The following C6 variants were observed in gnomAD, a reference collection of about 807,000 sequenced individuals.
The protein encoded by C6 is complement component C6.
Under a neutral mutation model 112.9 loss-of-function variants are expected in C6, and 101 were observed. That is an observed-to-expected ratio of 0.89 (90% confidence interval 0.76 to 1.06). The LOEUF (loss-of-function observed/expected upper bound fraction) is 1.06, where lower values mean the gene tolerates loss of function less well. C6 is among the 50% of genes least tolerant of loss of function. C6 has a pLI of 0.00. For missense variants in C6, 1,202 were observed against 1,104.6 expected, an observed-to-expected ratio of 1.09 and a Z score of -1.25; for synonymous variants, 431 against 384.1, an observed-to-expected ratio of 1.12 and a Z score of -1.43.
intron 1 of C6, among the ~76,000 whole-genome samples, chr5:41,255,616 T>C (rs925868354): frequency 1.4e-4 from 21 of 152,224 alleles, no homozygotes; most frequent in African/African-American, 5.1e-4. Flanking sequence ...TCTCTCTGCC[T>C]ACAATATGCA....
At chr5:41,256,829 C>G (rs544872246) in intron 1 of C6, among the ~76,000 whole-genome samples, 159 of 152,212 alleles carry the variant, frequency 1.0e-3, no homozygotes, top group African/African-American at 3.8e-3. Flanking sequence ...ACACATTTTA[C>G]AAATGGGTAA....
chr5:41,230,777 T>C (rs944920401), intron 1 of C6, among the ~76,000 whole-genome samples: 1 of 152,132 alleles, frequency 6.6e-6, no homozygotes, highest in Non-Finnish European at 1.5e-5. Context: ...CCTACCAATA[T>C]GTGATGTCAC....
At chr5:41,189,236 T>C (rs1750009542) in intron 5 of C6, among the ~76,000 whole-genome samples, 1 of 152,040 alleles carries the variant, frequency 6.6e-6, no homozygotes, top group Non-Finnish European at 1.5e-5. Context: ...AAAAATTAAA[T>C]GTATAATTAC....
intron 9 of C6, among the ~76,000 whole-genome samples, chr5:41,163,647 G>A (rs1747738978): frequency 6.6e-6 from 1 of 152,140 alleles, no homozygotes; most frequent in South Asian, 2.1e-4. Flanking sequence ...CCACTACTAT[G>A]AGGAAGATAA....
intron 1 of C6, among the ~76,000 whole-genome samples, chr5:41,206,439 G>A (rs1751441106): frequency 6.6e-6 from 1 of 152,306 alleles, no homozygotes; most frequent in East Asian, 1.9e-4. Flanking sequence ...AGCTAAAGGA[G>A]GATGTTTGAA....
At chr5:41,164,932 T>C (rs1344903043) in intron 9 of C6, among the ~76,000 whole-genome samples, 1 of 152,172 alleles carries the variant, frequency 6.6e-6, no homozygotes, top group Non-Finnish European at 1.5e-5. Flanking sequence ...ATATAATCAC[T>C]GCCCACGCCT....
upstream of C6, among the ~76,000 whole-genome samples, chr5:41,218,322 T>C (rs903443652): frequency 6.6e-6 from 1 of 152,086 alleles, no homozygotes; most frequent in African/African-American, 2.4e-5. Context: ...TATCCAAAGG[T>C]TTTTATTCAC....
chr5:41,160,153 T>A lies in C6; in HGVS notation c.1673A>T (p.Asp558Val). ...YGENCEKQSPDYKSNAVDGQW... is the reference protein window; with the variant it reads ...YGENCEKQSPVYKSNAVDGQW... Reference sequence around the variant, plus strand: ...TTCCTGATACTTACTGGATTTATAATCTGGAGACTGTTTCTCACAGTTCTC... The same window carrying A: ...TTCCTGATACTTACTGGATTTATAAACTGGAGACTGTTTCTCACAGTTCTC... The change falls in exon 11 of 18, where the codon GAT becomes GTT. Residue 558 changes from aspartate (D) to valine (V), a missense_variant. Physicochemically the swap from Asp to Val is radical, Grantham distance 152. Transcript: ENST00000337836. The A allele has an allele frequency of 6.2e-7, 1 of 1,610,688 alleles. No homozygotes were observed. Among genetic ancestry groups the A allele is most frequent in the Non-Finnish European group, 8.5e-7 (1 of 1,176,924 alleles).
chr5:41,159,261 A>T lies in C6; in HGVS notation c.1685-8T>A. ...ACTGTCCGTCTACTGCATCTGGAACAAAGGAAGACTCACTCCCATGGATCA... is the reference window on the plus strand; with the variant it reads ...ACTGTCCGTCTACTGCATCTGGAACTAAGGAAGACTCACTCCCATGGATCA... On this transcript the variant is annotated splice_region_variant and splice_polypyrimidine_tract_variant and intron_variant, in intron 11 of 17. Transcript: ENST00000337836. The T allele has an allele frequency of 1.2e-6, 2 of 1,612,536 alleles. No individual in the cohort carries two copies. Among genetic ancestry groups the T allele is most frequent in the South Asian group, 2.2e-5 (2 of 90,998 alleles).
chr5:41,214,413 G>A (rs1404242502), upstream of C6, among the ~76,000 whole-genome samples: 5 of 152,062 alleles, frequency 3.3e-5, no homozygotes, highest in African/African-American at 1.2e-4. Flanking sequence ...ACCACTCAAA[G>A]GTCACATAGT....
chr5:41,195,147 C>A (rs751869838), intron 5 of C6, among the ~76,000 whole-genome samples: 1 of 152,210 alleles, frequency 6.6e-6, no homozygotes, highest in South Asian at 2.1e-4. Flanking sequence ...CCTACCCACA[C>A]GTCACACAGC....
intron 1 of C6, among the ~76,000 whole-genome samples, chr5:41,255,810 A>G (rs1432362023): frequency 1.3e-5 from 2 of 152,206 alleles, no homozygotes; most frequent in South Asian, 2.1e-4. Context: ...CTGTGGTCCA[A>G]TAAGGAGATT....
At chr5:41,209,083 T>C (rs1751680005) in intron 1 of C6, among the ~76,000 whole-genome samples, 1 of 152,164 alleles carries the variant, frequency 6.6e-6, no homozygotes, top group South Asian at 2.1e-4. Flanking sequence ...AATCAATAAA[T>C]GTAATCCATC....
chr5:41,160,745 A>C (rs1267428935), intron 10 of C6, among the ~76,000 whole-genome samples: 1 of 152,154 alleles, frequency 6.6e-6, no homozygotes, highest in Non-Finnish European at 1.5e-5. Flanking sequence ...CAAGCAGCAA[A>C]AAATTTAGAG....
In C6 at chr5:41,160,200, C is replaced by G. The variant is rs756934565; in HGVS notation, c.1626G>C (p.Val542=). ...TCTCACCATAGGTGCCACTCTGACA[C>G]ACACACAGACATTCAGTCCCTGAGA... ...PTLSGTECLC[V]CQSGTYGENC... is the part of the protein sequence containing the mutation. The change falls in exon 11 of 18, where the codon GTG becomes GTC. Residue 542 remains valine, a synonymous_variant. Coordinates refer to ENST00000337836, the MANE Select transcript of C6 (RefSeq NM_000065.5). 4.3e-5 allele frequency: 69 copies of G among 1,613,804 alleles called. No individual in the cohort carries two copies. In the East Asian group the frequency reaches 1.5e-3, roughly 36 times the overall value.
intron 1 of C6, among the ~76,000 whole-genome samples, chr5:41,240,955 G>C (rs551646157): frequency 9.1e-4 from 139 of 152,286 alleles, no homozygotes; most frequent in Non-Finnish European, 1.7e-3. Context: ...TGTTATTAGA[G>C]CCCCTGATGC....
intron 1 of C6, among the ~76,000 whole-genome samples, chr5:41,240,545 A>T (rs184144921): frequency 6.6e-6 from 1 of 152,246 alleles, no homozygotes; most frequent in Admixed American, 6.5e-5. Context: ...CAGGTGGGCC[A>T]TTCCCCATAC....
At chr5:41,200,109 C>A (rs1391303965) in intron 3 of C6, among the ~76,000 whole-genome samples, 197 bp from the exon 4 acceptor site, 1 of 152,156 alleles carries the variant, frequency 6.6e-6, no homozygotes, top group Non-Finnish European at 1.5e-5. Flanking sequence ...TGTTTCCCAA[C>A]CAGTAAAATG....
chr5:41,183,872 A>G (rs926263812), intron 6 of C6, among the ~76,000 whole-genome samples: 2 of 152,104 alleles, frequency 1.3e-5, no homozygotes, highest in Admixed American at 1.3e-4. Context: ...GCAAATTAAC[A>G]CAGGAACAGA....
Sources: gnomAD v4.1 joint callset for allele counts (sites outside exome capture counted in the v4.1 genomes callset) on GRCh38, gnomAD v4.1.1 for gene constraint, MANE v1.5 for transcripts, NCBI Gene and HGNC (gene_info 2026-07-23, HGNC 2026-07-21) for gene names.